The following APOB variants were observed in gnomAD, a reference collection of about 807,000 sequenced individuals.
APOB encodes apolipoprotein B-100.
Under a neutral mutation model 314.1 loss-of-function variants are expected in APOB, and 153 were observed. That is an observed-to-expected ratio of 0.49 (90% CI 0.43 to 0.56). The LOEUF (loss-of-function observed/expected upper bound fraction) is 0.56, where lower values mean the gene tolerates loss of function less well. APOB is among the 20% of genes least tolerant of loss of function. The pLI is 0.00. For missense variants in APOB, 5,430 were observed against 5,350.7 expected, an observed-to-expected ratio of 1.01 and a Z score of -0.46; for synonymous variants, 2,087 against 2,036.4, an observed-to-expected ratio of 1.02 and a Z score of -0.67.
In APOB at chr2:21,011,009, A is replaced by T; in HGVS notation, c.5859T>A (p.His1953Gln). 2 of 1,614,126 alleles carry T rather than the reference A, an allele frequency of 1.2e-6. No homozygotes were observed. Among genetic ancestry groups the T allele is most frequent in the Non-Finnish European group, 1.7e-6 (2 of 1,180,004 alleles). The change falls in exon 26 of 29, where the codon CAT (histidine) becomes CAA (glutamine). Residue 1953 changes from histidine to glutamine, a missense_variant. Around this residue, in one of 3 missense-constraint regions of APOB, gnomAD observed 3,281 missense variants for 3,171.0 expected, o/e 1.03. Transcript: ENST00000233242. ...CACTGATGCTTTTCCTAGACACGAG[A>T]TGATGACTTGTGGAGCCTTTGTAAT... is the stretch of plus-strand genomic sequence containing the variant. ...SHDYKGSTSH[H>Q]LVSRKSISAA...
In APOB at chr2:21,040,683, A is replaced by G. The variant is rs1664108293; in HGVS notation, c.383+255T>C. Among the ~76,000 whole-genome samples the G allele has an allele frequency of 2.0e-5, 3 of 152,182 alleles. No homozygotes were observed. In the South Asian group the frequency reaches 6.2e-4, roughly 31 times the overall value. On this transcript the variant is annotated intron_variant, in intron 4 of 28. Transcript: ENST00000233242. ...TTCACTTGTTTAAACAAAGCATCTC[A>G]GTTTTATAATCTCAAGAAGTTTAAA...
At chr2:21,022,533 C>CA (rs1284723562) in intron 18 of APOB, among the ~76,000 whole-genome samples, 4 of 151,920 alleles carry the variant, frequency 2.6e-5, no homozygotes, top group Non-Finnish European at 5.9e-5. Context: ...AAATAGATAA[C>CA]AAAAAATCAC....
chr2:21,006,281 T>A lies in APOB; in HGVS notation c.10587A>T (p.Ser3529=). ...TYLNSKSTRS[S]VKLQGTSKID... ...TTTTGGAAGTGCCCTGCAGCTTCAC[T>A]GAAGACCGTGTGCTCTTGGAATTCA... The change falls in exon 26 of 29, where the codon TCA becomes TCT. Residue 3529 remains serine, a synonymous_variant. Coordinates refer to ENST00000233242, the MANE Select transcript of APOB (RefSeq NM_000384.3). 6.2e-7 allele frequency: 1 copy of A among 1,614,102 alleles called. No homozygotes were observed. Among genetic ancestry groups the A allele is most frequent in the East Asian group, 2.2e-5 (1 of 44,882 alleles).
rs373766976 is a variant in APOB, at chr2:21,037,939, C to T, written c.537+19G>A. On this transcript the variant is annotated intron_variant, in intron 5 of 28. Transcript: ENST00000233242. The stretch of plus-strand genomic sequence containing the variant: ...GATGAGTTTCAAGGGCCACTGCTAT[C>T]AGCTTTCTAAATCCTCACCAGAAAC... The T allele has an allele frequency of 3.7e-6, 6 of 1,614,178 alleles. No homozygotes were observed. In the South Asian group the frequency reaches 6.6e-5, roughly 18 times the overall value.
At chr2:21,034,703 G>A in intron 8 of APOB, 113 bp downstream of exon 8, 1 of 773,436 alleles carries the variant, frequency 1.3e-6, no homozygotes, top group African/African-American at 1.7e-5. Context: ...GAACACCAGT[G>A]TCTGTATCAC....
chr2:21,014,417 T>C (rs2103361837), intron 24 of APOB, 31 bp downstream of exon 24: 1 of 1,613,738 alleles, frequency 6.2e-7, no homozygotes, highest in Non-Finnish European at 8.5e-7. Flanking sequence ...CTTTGCATGG[T>C]TCAAGAAGCC....
In APOB at chr2:21,004,325, T is replaced by C. The variant is rs748186638; in HGVS notation, c.12031A>G (p.Met4011Val). The C allele has an allele frequency of 1.2e-6, 2 of 1,613,864 alleles. No individual in the cohort carries two copies. Among genetic ancestry groups the C allele is most frequent in the East Asian group, 2.2e-5 (1 of 44,892 alleles). The part of the protein sequence containing the change: ...AASPAVGTVG[M>V]DMDEDDDFSK... ...AAGTCGTCATCTTCATCCATATCCA[T>C]GCCCACGGTGCCTACGGCTGGGGAG... is the stretch of plus-strand genomic sequence containing the variant. Residue 4011 changes from methionine to valine, a missense_variant, in exon 28 of 29, where the codon ATG (methionine) becomes GTG (valine). Around this residue, in one of 3 missense-constraint regions of APOB, gnomAD observed 3,281 missense variants for 3,171.0 expected, o/e 1.03. Coordinates refer to ENST00000233242, the MANE Select transcript of APOB (RefSeq NM_000384.3).
rs750179992 is a variant in APOB, at chr2:21,005,178, G to A, written c.11690C>T (p.Thr3897Ile). The A allele has an allele frequency of 1.2e-6, 2 of 1,614,088 alleles. No homozygotes were observed. Among genetic ancestry groups the A allele is most frequent in the Non-Finnish European group, 1.7e-6 (2 of 1,179,948 alleles). The change falls in exon 26 of 29, where the codon ACT becomes ATT. Residue 3897 changes from threonine (T) to isoleucine (I), a missense_variant. By Grantham distance (89) the Thr-to-Ile change is moderately conservative. Transcript: ENST00000233242. ...FEVDSPVYNA[T>I]WSASLKNKAD... ...TTTGTTTTTCAAACTGGCACTCCAAGTGGCATTATACACGGGAGAGTCTAC... is the reference window on the plus strand; with the variant it reads ...TTTGTTTTTCAAACTGGCACTCCAAATGGCATTATACACGGGAGAGTCTAC...
In APOB at chr2:21,006,247, T is replaced by C. The variant is rs4362589; in HGVS notation, c.10621A>G (p.Ile3541Val). Residue 3541 changes from isoleucine to valine, a missense_variant, in exon 26 of 29, where the codon ATC (isoleucine) becomes GTC (valine). This residue lies in a region of APOB where 3,281 missense variants were observed against 3,171.0 expected (regional missense o/e 1.03). Transcript: ENST00000233242. ...TTTTCTTTTACTTCAAGGTTCCAGA[T>C]ATCATCAATTTTGGAAGTGCCCTGC... Reference protein sequence around the residue: ...KLQGTSKIDDIWNLEVKENFA... With the variant: ...KLQGTSKIDDVWNLEVKENFA... 8 of 1,613,956 alleles carry C rather than the reference T, an allele frequency of 5.0e-6. No homozygotes were observed. Among genetic ancestry groups the C allele is most frequent in the Admixed American group, 1.7e-5 (1 of 59,992 alleles).
chr2:21,006,466 T>C lies in APOB; in HGVS notation c.10402A>G (p.Met3468Val), dbSNP rs149887185. 1.5e-5 allele frequency: 25 copies of C among 1,614,116 alleles called. No homozygotes were observed. The African/African-American group carries it at 2.7e-4, about 17-fold the overall frequency. The change falls in exon 26 of 29, where the codon ATG becomes GTG. Residue 3468 changes from methionine to valine, a missense_variant. This residue lies in a region of APOB where 3,281 missense variants were observed against 3,171.0 expected (regional missense o/e 1.03). Coordinates refer to ENST00000233242, the MANE Select transcript of APOB (RefSeq NM_000384.3). Reference sequence around the variant, plus strand: ...GCTCCTTTAGCGGTAGAGTACAGCATTGAAGAATTGAAATCATACTTAAAT... The same window carrying C: ...GCTCCTTTAGCGGTAGAGTACAGCACTGAAGAATTGAAATCATACTTAAAT... ...MEFKYDFNSS[M>V]LYSTAKGAVD... is the part of the protein sequence containing the mutation.
At position 21,042,449 on chromosome 2, in the gene APOB, C is replaced by T. The variant is rs1465696669; in HGVS notation, c.149G>A (p.Arg50Gln). 4 of 1,614,074 alleles carry T rather than the reference C, an allele frequency of 2.5e-6. No homozygotes were observed. Among genetic ancestry groups the T allele is most frequent in the Admixed American group, 1.7e-5 (1 of 59,992 alleles). The part of the protein sequence containing the change: ...PKDATRFKHL[R>Q]KYTYNYEAES... ...AGCCTCATAGTTGTATGTGTACTTC[C>T]GGAGGTGCTTGAATCGGGTCGCATC... Residue 50 changes from arginine (R) to glutamine (Q), a missense_variant, in exon 3 of 29, where the codon CGG becomes CAG. Physicochemically the swap from Arg to Gln is conservative, Grantham distance 43. Around this residue, in one of 3 missense-constraint regions of APOB, gnomAD observed 2,085 missense variants for 2,079.7 expected, o/e 1.00. Transcript: ENST00000233242.
intron 7 of APOB, among the ~76,000 whole-genome samples, chr2:21,035,116 C>T (rs1663970150): frequency 6.6e-6 from 1 of 152,218 alleles, no homozygotes; most frequent in Non-Finnish European, 1.5e-5. Context: ...GCCTTATACT[C>T]TCCACTAGTC....
Position 21,006,652 on chromosome 2 carries a change from C to T in APOB, c.10216G>A (p.Val3406Met), listed in dbSNP as rs377691992. Residue 3406 changes from valine to methionine, a missense_variant, in exon 26 of 29, where the codon GTG (valine) becomes ATG (methionine). Val to Met is a conservative substitution (Grantham distance 21). Coordinates refer to ENST00000233242, the MANE Select transcript of APOB (RefSeq NM_000384.3). Reference sequence around the variant, plus strand: ...ACAGTACTGTTATGACTACCCTCCACAAATTTGTTGCTCAGAGACAGAGCT... The same window carrying T: ...ACAGTACTGTTATGACTACCCTCCATAAATTTGTTGCTCAGAGACAGAGCT... Reference protein sequence around the residue: ...ATALSLSNKFVEGSHNSTVSL... With the variant: ...ATALSLSNKFMEGSHNSTVSL... The T allele has an allele frequency of 1.2e-6, 2 of 1,614,118 alleles. No individual in the cohort carries two copies. Among genetic ancestry groups the T allele is most frequent in the Non-Finnish European group, 1.7e-6 (2 of 1,179,966 alleles).
In APOB at chr2:21,041,027, G is replaced by C; in HGVS notation, c.294C>G (p.Thr98=). Residue 98 remains threonine, a synonymous_variant, in exon 4 of 29, where the codon ACC becomes ACG. Coordinates refer to ENST00000233242, the MANE Select transcript of APOB (RefSeq NM_000384.3). ...GGTTGAAGCCATACACCTCTTTCAG[G>C]GTGCACTGGCTGGTCTTCAGGATGA... The part of the protein sequence containing the change: ...CSFILKTSQC[T]LKEVYGFNPE... 6.2e-7 allele frequency: 1 copy of C among 1,613,548 alleles called. No individual in the cohort carries two copies. Among genetic ancestry groups the C allele is most frequent in the Non-Finnish European group, 8.5e-7 (1 of 1,179,912 alleles).
Position 21,043,883 on chromosome 2 carries a change from C to T in APOB, c.63G>A (p.Leu21=). ...ACTCACCGGCCCTGGCGCCCGCCAGCAGCAGCAGCAGCAGCGCAGGCAGCG... is the reference window on the plus strand; with the variant it reads ...ACTCACCGGCCCTGGCGCCCGCCAGTAGCAGCAGCAGCAGCGCAGGCAGCG... ...LLALPALLLL[L]LAGARAEEEM... Residue 21 remains leucine (L), a synonymous_variant, in exon 1 of 29, where the codon CTG becomes CTA. Coordinates refer to ENST00000233242, the MANE Select transcript of APOB (RefSeq NM_000384.3). 1.4e-6 allele frequency: 2 copies of T among 1,472,840 alleles called. No individual in the cohort carries two copies. Among genetic ancestry groups the T allele is most frequent in the Non-Finnish European group, 1.8e-6 (2 of 1,117,684 alleles). 91.2% of individuals were successfully genotyped at this position (1,472,840 alleles called of 1,614,324 possible).
intron 15 of APOB, 33 bp from the exon 16 acceptor site, chr2:21,025,157 T>C (rs1341797185): frequency 1.3e-6 from 2 of 1,599,942 alleles, no homozygotes; most frequent in Non-Finnish European, 1.7e-6. Flanking sequence ...GCCAGTGAGA[T>C]GTCAGCAATG....
In APOB at chr2:21,007,414, G is replaced by A. The variant is rs769418195; in HGVS notation, c.9454C>T (p.Leu3152=). 6.2e-7 allele frequency: 1 copy of A among 1,613,900 alleles called. No homozygotes were observed. Among genetic ancestry groups the A allele is most frequent in the South Asian group, 1.1e-5 (1 of 91,070 alleles). ...TCCTTCAAGCCTGTTTTTTCCCATA[G>A]AGAGAAATCTTTCAGTGGAGGAGTT... ...ITTPPLKDFS[L]WEKTGLKEFL... Residue 3152 remains leucine, a synonymous_variant, in exon 26 of 29, where the codon CTA becomes TTA. Coordinates refer to ENST00000233242, the MANE Select transcript of APOB (RefSeq NM_000384.3).
intron 3 of APOB, 151 bp downstream of exon 3, chr2:21,042,210 C>T: frequency 1.4e-6 from 1 of 724,022 alleles, no homozygotes; most frequent in Non-Finnish European, 2.5e-6. Flanking sequence ...GAGGCAAAGT[C>T]CCAGTGCTTT....
At chr2:21,042,234 C>A in intron 3 of APOB, 127 bp downstream of exon 3, 1 of 778,396 alleles carries the variant, frequency 1.3e-6, no homozygotes, top group South Asian at 1.4e-5. Context: ...CAGATTACAA[C>A]AGTTCTGGGA....
Sources: gnomAD v4.1 joint callset for allele counts (sites outside exome capture counted in the v4.1 genomes callset) on GRCh38, gnomAD v4.1.1 for gene constraint, gnomAD v4.1.1 regional missense constraint, MANE v1.5 for transcripts, NCBI Gene and HGNC (gene_info 2026-07-23, HGNC 2026-07-21) for gene names.